The following PCCA variants were observed in gnomAD, a reference collection of about 807,000 sequenced individuals.
The protein encoded by PCCA is propionyl-CoA carboxylase subunit alpha.
Under a neutral mutation model 101.3 loss-of-function variants are expected in PCCA, and 74 were observed. The observed-to-expected ratio is 0.73, with a 90% confidence interval of 0.61 to 0.89. The LOEUF (loss-of-function observed/expected upper bound fraction) is 0.89. PCCA is among the 40% of genes least tolerant of loss of function. The probability of loss-of-function intolerance (pLI) is 0.00; values close to 1 mark genes in which losing one functional copy is unlikely to be tolerated. For missense variants in PCCA, 891 were observed against 907.0 expected, an observed-to-expected ratio of 0.98 and a Z score of 0.23; for synonymous variants, 294 against 313.6, an observed-to-expected ratio of 0.94 and a Z score of 0.66.
At chr13:100,483,210 A>G (rs1355720288) in intron 21 of PCCA, among the ~76,000 whole-genome samples, 1 of 152,096 alleles carries the variant, frequency 6.6e-6, no homozygotes, top group East Asian at 1.9e-4. Flanking sequence ...CTGAAGAAAT[A>G]CCATCTAAGT....
chr13:100,140,115 C>T lies in PCCA; in HGVS notation c.301-14864C>T, dbSNP rs576058829. Among the ~76,000 whole-genome samples the T allele has an allele frequency of 4.6e-5, 7 of 152,240 alleles. No homozygotes were observed. The South Asian group carries it at 1.5e-3, about 32-fold the overall frequency. The stretch of plus-strand genomic sequence containing the variant: ...AAACAACTTTATTGTGTCACTTCTC[C>T]ATGCTAGCTTCTCCCATTCTGGTTC... On this transcript the variant is annotated intron_variant, in intron 4 of 23. Coordinates refer to ENST00000376285, the MANE Select transcript of PCCA (RefSeq NM_000282.4).
In PCCA at chr13:100,343,279, G is replaced by T. The variant is rs183829806; in HGVS notation, c.1643+3020G>T. On this transcript the variant is annotated intron_variant, in intron 18 of 23. Coordinates refer to ENST00000376285, the MANE Select transcript of PCCA (RefSeq NM_000282.4). ...AGACTTTTTATCAGAGAAGATAAATGAATGGCACATAAGTTCATGATAAGA... is the reference window on the plus strand; with the variant it reads ...AGACTTTTTATCAGAGAAGATAAATTAATGGCACATAAGTTCATGATAAGA... Among the ~76,000 whole-genome samples, 24 of 151,950 alleles carry T rather than the reference G, an allele frequency of 1.6e-4. No homozygotes were observed. The East Asian group carries it at 4.7e-3, about 30-fold the overall frequency.
intron 4 of PCCA, among the ~76,000 whole-genome samples, chr13:100,152,340 A>G (rs2053427340): frequency 6.7e-6 from 1 of 148,414 alleles, no homozygotes; most frequent in South Asian, 2.2e-4. Flanking sequence ...GATTTATTCA[A>G]TTGTTTATTG....
At chr13:100,425,453 C>A (rs1595859702) in intron 19 of PCCA, among the ~76,000 whole-genome samples, 180 bp from the exon 20 acceptor site, 1 of 152,240 alleles carries the variant, frequency 6.6e-6, no homozygotes, top group Non-Finnish European at 1.5e-5. Context: ...TCACCTCTCC[C>A]CAGAGATGAC....
At chr13:100,222,705 GTT>G (rs1419136630) in intron 7 of PCCA, among the ~76,000 whole-genome samples, 1 of 152,162 alleles carries the variant, frequency 6.6e-6, no homozygotes, top group East Asian at 1.9e-4. Flanking sequence ...AATGTTTAGT[GTT>G]CTTTAAAATT....
In PCCA at chr13:100,247,215, G is replaced by GTT. The variant is rs143058621; in HGVS notation, c.638-10361_638-10360dup. ...AAGCCACTGCGCCCAGCCTGTGTGG[G>GTT]TTTTTTTTTTTTTTTTTTTTGAGAC... On this transcript the variant is annotated intron_variant, in intron 8 of 23. Transcript: ENST00000376285. 4.9e-3 allele frequency among the ~76,000 whole-genome samples: 525 copies of GTT among 108,206 alleles called. 11 individuals are homozygous for GTT. Among genetic ancestry groups the GTT allele is most frequent in the African/African-American group, 0.013 (364 of 27,166 alleles). 71.0% of individuals were successfully genotyped at this position (108,206 alleles called of 152,430 possible). A position where few individuals can be genotyped will look rare whatever the true frequency, so the allele number is the denominator to read the frequency against.
At chr13:100,506,575 TA>T (rs1315052997) in intron 21 of PCCA, among the ~76,000 whole-genome samples, 1 of 152,204 alleles carries the variant, frequency 6.6e-6, no homozygotes, top group Non-Finnish European at 1.5e-5. Context: ...GAATTCATAA[TA>T]GTAAAAATAT....
At chr13:100,316,964 G>A (rs1227347638) in intron 16 of PCCA, among the ~76,000 whole-genome samples, 1 of 151,910 alleles carries the variant, frequency 6.6e-6, no homozygotes, top group African/African-American at 2.4e-5. Context: ...AGTAGAGACG[G>A]GGTTTCACCA....
chr13:100,498,374 G>A (rs2085431155), intron 21 of PCCA, among the ~76,000 whole-genome samples: 1 of 151,752 alleles, frequency 6.6e-6, no homozygotes, highest in Non-Finnish European at 1.5e-5. Context: ...CCAAAAACAA[G>A]AGAGAGAGAA....
rs3223372 is a variant in PCCA, at chr13:100,244,929, C to CTGTGTG, written c.637+9082_637+9087dup. Among the ~76,000 whole-genome samples, 402 of 141,706 alleles carry CTGTGTG rather than the reference C, an allele frequency of 2.8e-3. 4 individuals carry two copies. Among genetic ancestry groups the CTGTGTG allele is most frequent in the African/African-American group, 9.5e-3 (353 of 37,312 alleles). The allele number at this position is 141,706 out of a possible 152,430, so 93.0% of individuals were successfully genotyped here. ...ATGTGTATGACAGACTGAGGAAAGG[C>CTGTGTG]TGTGTGTGTGTGTGTGTGTGTGTGT... is the stretch of plus-strand genomic sequence containing the variant. On this transcript the variant is annotated intron_variant, in intron 8 of 23. Transcript: ENST00000376285.
intron 18 of PCCA, among the ~76,000 whole-genome samples, chr13:100,348,783 TCTTTCTTCCTTCCTTC>T (rs1287187660): frequency 0.1 from 5,614 of 53,954 alleles, 200 homozygotes; most frequent in Middle Eastern, 0.14. Flanking sequence ...TTTCTTTCTT[TCTTTCTTCCTTCCTTC>T]CTTCCTTCCT....
intron 6 of PCCA, among the ~76,000 whole-genome samples, chr13:100,204,750 T>C (rs765797302): frequency 5.3e-5 from 8 of 152,174 alleles, no homozygotes; most frequent in Non-Finnish European, 8.8e-5. Context: ...ATTTAGGAAA[T>C]GAGTAGAATT....
At chr13:100,523,886 G>A (rs1430938909) in intron 22 of PCCA, among the ~76,000 whole-genome samples, 10 of 152,260 alleles carry the variant, frequency 6.6e-5, no homozygotes, top group African/African-American at 2.4e-4. Flanking sequence ...TCACAAAAGT[G>A]TTGGAGAAAC....
chr13:100,524,662 A>G (rs2087598880), intron 22 of PCCA, among the ~76,000 whole-genome samples: 1 of 152,162 alleles, frequency 6.6e-6, no homozygotes, highest in South Asian at 2.1e-4. Context: ...ACTTGAGGTC[A>G]GGAGTTTGAG....
chr13:100,392,725 C>T (rs1356240731), intron 19 of PCCA, among the ~76,000 whole-genome samples: 2 of 152,134 alleles, frequency 1.3e-5, no homozygotes, highest in African/African-American at 2.4e-5. Flanking sequence ...GGTAAGTTAC[C>T]ATGTTTCCAT....
At chr13:100,429,107 G>A (rs1040028544) in intron 20 of PCCA, among the ~76,000 whole-genome samples, 8 of 152,116 alleles carry the variant, frequency 5.3e-5, no homozygotes, top group Non-Finnish European at 2.9e-5. Context: ...TGAGGGCACT[G>A]TGTGCAGAAG....
At chr13:100,226,522 G>T (rs1011951931) in intron 7 of PCCA, among the ~76,000 whole-genome samples, 1 of 152,218 alleles carries the variant, frequency 6.6e-6, no homozygotes, top group African/African-American at 2.4e-5. Context: ...TGGGAAGAAT[G>T]ATTCGAATGT....
intron 12 of PCCA, among the ~76,000 whole-genome samples, chr13:100,286,288 G>A (rs981276208): frequency 6.6e-6 from 1 of 152,200 alleles, no homozygotes; most frequent in Non-Finnish European, 1.5e-5. Flanking sequence ...GCAATGGTGA[G>A]CACACACTCG....
chr13:100,511,905 C>T (rs1213555434), intron 21 of PCCA, among the ~76,000 whole-genome samples: 1 of 152,202 alleles, frequency 6.6e-6, no homozygotes, highest in East Asian at 1.9e-4. Context: ...ATACAGAAGC[C>T]TCCAGGGTGG....
Sources: allele counts gnomAD v4.1 joint callset (sites outside exome capture counted in the v4.1 genomes callset), GRCh38; gene constraint gnomAD v4.1.1; transcripts MANE v1.5; gene names NCBI Gene and HGNC (gene_info 2026-07-23, HGNC 2026-07-21).